Variants in RPAP2 observed in about 807,000 individuals in gnomAD.
RPAP2 encodes RNA polymerase II associated protein 2.
Under a neutral mutation model 73.1 loss-of-function variants are expected in RPAP2, and 52 were observed. That is an observed-to-expected ratio of 0.71 (90% CI 0.57 to 0.90). The LOEUF is 0.90. Ranked by LOEUF, RPAP2 falls within the 40% of genes least tolerant of loss-of-function variation. RPAP2 has a pLI of 0.00. For synonymous variants in RPAP2, 225 were observed against 242.1 expected (o/e 0.93, Z 0.65); for missense variants, 598 against 701.8 (o/e 0.85, Z 1.67).
chr1:92,375,966 C>T (rs1390545786), intron 11 of RPAP2, among the ~76,000 whole-genome samples: 8 of 148,642 alleles, frequency 5.4e-5, no homozygotes, highest in Non-Finnish European at 1.2e-4. Flanking sequence ...CGCCATTGCA[C>T]TCCACCCTGG....
At chr1:92,354,135 T>C (rs911756923) in intron 11 of RPAP2, among the ~76,000 whole-genome samples, 2 of 152,140 alleles carry the variant, frequency 1.3e-5, no homozygotes, top group Admixed American at 1.3e-4. Context: ...AATCACAGCC[T>C]TGATTTTAGG....
intron 1 of RPAP2, 99 bp downstream of exon 1, chr1:92,299,245 C>CA (rs1220011386): frequency 1.6e-6 from 1 of 619,300 alleles, no homozygotes; most frequent in African/African-American, 1.9e-5. Context: ...AAGGCTGCTT[C>CA]AGGGGAGGGG....
At chr1:92,321,980 C>CT (rs1446932493) in intron 7 of RPAP2, among the ~76,000 whole-genome samples, 1 of 138,202 alleles carries the variant, frequency 7.2e-6, no homozygotes, top group African/African-American at 2.7e-5. Flanking sequence ...GAGTCTCACT[C>CT]TATCACCCAG....
At chr1:92,336,547 A>G (rs1025177629) in intron 10 of RPAP2, 120 bp downstream of exon 10, 2 of 655,762 alleles carry the variant, frequency 3.0e-6, no homozygotes, top group African/African-American at 3.7e-5. Context: ...ATCTAAATAC[A>G]GTATTCTATT....
chr1:92,369,658 A>G lies in RPAP2; in HGVS notation c.1689-11066A>G, dbSNP rs1655066782. ...GTTGCAAGATTGGAATAGAGGCTTG[A>G]GTCCCTTTCATTGTGTATTGGGGTA... On this transcript the variant is annotated intron_variant, in intron 11 of 12. Coordinates refer to ENST00000610020, the MANE Select transcript of RPAP2 (RefSeq NM_024813.3). Among the ~76,000 whole-genome samples the G allele has an allele frequency of 3.3e-5, 5 of 152,166 alleles. No individual in the cohort carries two copies. In the South Asian group the frequency reaches 1.0e-3, roughly 31 times the overall value.
chr1:92,366,105 C>T (rs1654923367), intron 11 of RPAP2, among the ~76,000 whole-genome samples: 2 of 152,186 alleles, frequency 1.3e-5, no homozygotes, highest in South Asian at 2.1e-4. Context: ...AGCTCTCTAG[C>T]TCCAATTTAG....
At chr1:92,300,512 C>T (rs1449607337) in intron 2 of RPAP2, among the ~76,000 whole-genome samples, 1 of 152,154 alleles carries the variant, frequency 6.6e-6, no homozygotes, top group South Asian at 2.1e-4. Flanking sequence ...GGTACACTCT[C>T]CTTTTATTGC....
intron 11 of RPAP2, among the ~76,000 whole-genome samples, chr1:92,353,436 T>G (rs1436626494): frequency 2.0e-5 from 3 of 152,212 alleles, no homozygotes; most frequent in African/African-American, 4.8e-5. Context: ...CTCATTGATT[T>G]TAGGTTTTCA....
chr1:92,377,302 C>G (rs1047808182), intron 11 of RPAP2, among the ~76,000 whole-genome samples: 1 of 151,862 alleles, frequency 6.6e-6, no homozygotes, highest in African/African-American at 2.4e-5. Context: ...GGGTGGATCA[C>G]AAGGTCAAGA....
At chr1:92,354,398 A>G (rs1654361226) in intron 11 of RPAP2, among the ~76,000 whole-genome samples, 1 of 152,238 alleles carries the variant, frequency 6.6e-6, no homozygotes, top group South Asian at 2.1e-4. Flanking sequence ...TCCAGCATTC[A>G]TCTGCCAAGC....
chr1:92,384,178 G>A (rs968408452), intron 12 of RPAP2, among the ~76,000 whole-genome samples: 3 of 151,500 alleles, frequency 2.0e-5, no homozygotes, highest in Non-Finnish European at 1.5e-5. Context: ...GGATGGTCTC[G>A]ATTTCTTGAC....
intron 11 of RPAP2, among the ~76,000 whole-genome samples, chr1:92,366,983 G>A (rs988222874): frequency 8.5e-5 from 13 of 152,170 alleles, no homozygotes; most frequent in Admixed American, 4.6e-4. Context: ...AGTTTTAGAA[G>A]AAGATAAAAT....
At position 92,371,805 on chromosome 1, in the gene RPAP2, T is replaced by C. The variant is rs137955983; in HGVS notation, c.1689-8919T>C. Among the ~76,000 whole-genome samples the C allele has an allele frequency of 3.1e-3, 459 of 149,782 alleles. 3 individuals are homozygous for C. Among genetic ancestry groups the C allele is most frequent in the African/African-American group, 0.011 (444 of 40,714 alleles). ...ACTTTGGGAGGCTGAGGTGGAAGGATTGCTTGAGGCCAGGAGATTGAGGCT... is the reference window on the plus strand; with the variant it reads ...ACTTTGGGAGGCTGAGGTGGAAGGACTGCTTGAGGCCAGGAGATTGAGGCT... On this transcript the variant is annotated intron_variant, in intron 11 of 12. Coordinates refer to ENST00000610020, the MANE Select transcript of RPAP2 (RefSeq NM_024813.3).
At chr1:92,355,064 A>AATT (rs1654398889) in intron 11 of RPAP2, among the ~76,000 whole-genome samples, 1 of 151,734 alleles carries the variant, frequency 6.6e-6, no homozygotes, top group Non-Finnish European at 1.5e-5. Flanking sequence ...ATACCCAGCT[A>AATT]ATTATTATTA....
intron 6 of RPAP2, among the ~76,000 whole-genome samples, chr1:92,319,193 CAG>C (rs1186690626): frequency 6.6e-6 from 1 of 152,156 alleles, no homozygotes; most frequent in East Asian, 1.9e-4. Context: ...TTGATTGGCT[CAG>C]AAGCAAGTTT....
chr1:92,300,008 A>G (rs1052605393), intron 1 of RPAP2, among the ~76,000 whole-genome samples, 186 bp from the exon 2 acceptor site: 3 of 152,208 alleles, frequency 2.0e-5, no homozygotes, highest in East Asian at 3.8e-4. Flanking sequence ...GGTACAGCCT[A>G]TTGCTCCCAG....
chr1:92,307,327 GT>G, intron 6 of RPAP2, 51 bp downstream of exon 6: 1 of 1,291,718 alleles, frequency 7.7e-7, no homozygotes, highest in Non-Finnish European at 1.1e-6. Flanking sequence ...CTAATAATTT[GT>G]TTCTGCTTTT....
Position 92,397,011 on chromosome 1 carries a change from T to C in RPAP2, c.*10000T>C, listed in dbSNP as rs1186581168. On this transcript the variant is annotated 3_prime_UTR_variant, in exon 13 of 13. Transcript: ENST00000610020. ...TTAAAACAGGTAAAGTTTATGTGTA[T>C]AAATTATACCTTAATAAAGCTATTA... 3 of 152,166 alleles carry C rather than the reference T, an allele frequency of 2.0e-5. No homozygotes were observed. The highest frequency in any genetic ancestry group is 6.6e-5 in the Admixed American group (1 of 15,258). The allele number at this position is 152,166 out of a possible 1,614,324, so 9.4% of individuals were successfully genotyped here.
At chr1:92,385,468 A>T (rs577758015) in intron 12 of RPAP2, among the ~76,000 whole-genome samples, 1 of 152,342 alleles carries the variant, frequency 6.6e-6, no homozygotes, top group Admixed American at 6.5e-5. Context: ...ATTATAAAGG[A>T]TTATGAATGA....
Sources: allele counts gnomAD v4.1 joint callset (sites outside exome capture counted in the v4.1 genomes callset), GRCh38; gene constraint gnomAD v4.1.1; transcripts MANE v1.5; gene names NCBI Gene and HGNC (gene_info 2026-07-23, HGNC 2026-07-21).